Variants in LIMS2 observed in about 807,000 individuals in gnomAD.
The protein encoded by LIMS2 is LIM zinc finger domain containing 2, also known as LIM and senescent cell antigen-like-containing domain protein 2.
LIMS2 carries 30 observed loss-of-function variants against 45.3 expected under a neutral mutation model. That is an observed-to-expected ratio of 0.66 (90% CI 0.50 to 0.90). The LOEUF is 0.90. LIMS2 is among the 40% of genes least tolerant of loss of function. The pLI, the probability that LIMS2 is intolerant of heterozygous loss-of-function variation, is 0.00. For missense variants in LIMS2, 485 were observed against 468.7 expected (o/e 1.03, Z -0.32); for synonymous variants, 173 against 188.0 (o/e 0.92, Z 0.65).
In LIMS2 at chr2:127,642,378, C is replaced by T; in HGVS notation, c.510-179G>A. ...AGACTTCCTGTGCCCCAGACAGGCC[C>T]TGGAGCACAGACTTCCTGCACAGCC... On this transcript the variant is annotated intron_variant, in intron 5 of 9. Coordinates refer to ENST00000355119, the MANE Select transcript of LIMS2 (RefSeq NM_001161403.3). This position sits in a 1 kb window ranked among gnomAD's most constrained non-coding sequence, Gnocchi z 5.3. 1.5e-6 allele frequency: 1 copy of T among 651,918 alleles called. No homozygotes were observed. Among genetic ancestry groups the T allele is most frequent in the African/African-American group, 1.8e-5 (1 of 54,438 alleles). 40.4% of individuals were successfully genotyped at this position (651,918 alleles called of 1,614,324 possible).
rs1021503846 is a variant in LIMS2, at chr2:127,642,568, T to C, written c.509+355A>G. 21 of 359,876 alleles carry C rather than the reference T, an allele frequency of 5.8e-5. 1 individual carries two copies. Among genetic ancestry groups the C allele is most frequent in the Non-Finnish European group, 6.1e-5 (12 of 197,114 alleles). 22.3% of individuals were successfully genotyped at this position (359,876 alleles called of 1,614,324 possible). ...GGGGCTGAGGGGCTGCCTATGCAACTCCTCTCTCCAACACCAGCACCAAGC... is the reference window on the plus strand; with the variant it reads ...GGGGCTGAGGGGCTGCCTATGCAACCCCTCTCTCCAACACCAGCACCAAGC... On this transcript the variant is annotated intron_variant, in intron 5 of 9. Coordinates refer to ENST00000355119, the MANE Select transcript of LIMS2 (RefSeq NM_001161403.3). This position sits in a 1 kb window ranked among gnomAD's most constrained non-coding sequence, Gnocchi z 5.3.
In LIMS2 at chr2:127,653,712, G is replaced by A. The variant is rs1438450431; in HGVS notation, c.359+712C>T. Among the ~76,000 whole-genome samples the A allele has an allele frequency of 6.6e-6, 1 of 152,078 alleles. No individual in the cohort carries two copies. The highest frequency in any genetic ancestry group is 1.9e-4 in the East Asian group (1 of 5,176). On this transcript the variant is annotated intron_variant, in intron 4 of 9. Coordinates refer to ENST00000355119, the MANE Select transcript of LIMS2 (RefSeq NM_001161403.3). This position sits in a 1 kb window ranked among gnomAD's most constrained non-coding sequence, Gnocchi z 5.3. Reference sequence around the variant, plus strand: ...CAGCTGTGGTGAGGGCTGCTGAGGGGTCAAGAGGAGGTGTGGGTCCCTGGG... The same window carrying A: ...CAGCTGTGGTGAGGGCTGCTGAGGGATCAAGAGGAGGTGTGGGTCCCTGGG...
rs550583517 is a variant in LIMS2, at chr2:127,650,478, G to A, written c.359+3946C>T. 4 of 564,228 alleles carry A rather than the reference G, an allele frequency of 7.1e-6. No homozygotes were observed. The East Asian group carries it at 8.8e-5, about 12-fold the overall frequency. 35.0% of individuals were successfully genotyped at this position (564,228 alleles called of 1,614,324 possible). ...TCTCCTGGGTGGCAGGGGTGCAGCT[G>A]CATAGCGGCGAAATTCCAAGCCCTG... On this transcript the variant is annotated intron_variant, in intron 4 of 9. Coordinates refer to ENST00000355119, the MANE Select transcript of LIMS2 (RefSeq NM_001161403.3).
rs2105350560 is a variant in LIMS2, at chr2:127,675,284, TAGGTGGGGGTGGGGGTGGC to T, written c.-279_-261del. On this transcript the variant is annotated 5_prime_UTR_variant, in exon 1 of 10. Coordinates refer to ENST00000355119, the MANE Select transcript of LIMS2 (RefSeq NM_001161403.3). ...GTGACGGTGGGAGGTTGCGGGAGTA[TAGGTGGGGGTGGGGGTGGC>T]AGGTGGGGGTGGCGGCGGGTAGGGT... The T allele has an allele frequency of 1.9e-5, 1 of 53,884 alleles. No individual in the cohort carries two copies. The highest frequency in any genetic ancestry group is 6.9e-4 in the East Asian group (1 of 1,440). The allele number at this position is 53,884 out of a possible 1,614,324, so 3.3% of individuals were successfully genotyped here. A position where few individuals can be genotyped will look rare whatever the true frequency, so the allele number is the denominator to read the frequency against.
Position 127,645,290 on chromosome 2 carries a change from C to G in LIMS2, c.360-2218G>C, listed in dbSNP as rs182592431. Among the ~76,000 whole-genome samples, 246 of 152,332 alleles carry G rather than the reference C, an allele frequency of 1.6e-3. 3 individuals carry two copies. Among genetic ancestry groups the G allele is most frequent in the African/African-American group, 5.6e-3 (232 of 41,566 alleles). On this transcript the variant is annotated intron_variant, in intron 4 of 9. Coordinates refer to ENST00000355119, the MANE Select transcript of LIMS2 (RefSeq NM_001161403.3). ...CCCTTAAATGCTAGCCACATACATA[C>G]AGTTTTCAATGTTTAAACAACAAAA...
chr2:127,649,213 G>A (rs1386492213), intron 4 of LIMS2, among the ~76,000 whole-genome samples: 2 of 63,688 alleles, frequency 3.1e-5, no homozygotes, highest in Admixed American at 1.3e-4. Flanking sequence ...GGAAGGAAGG[G>A]CAGGGAGAAA....
In LIMS2 at chr2:127,674,990, G is replaced by T. The variant is rs557303046; in HGVS notation, c.11+24C>A. 17 of 1,228,804 alleles carry T rather than the reference G, an allele frequency of 1.4e-5. No individual in the cohort carries two copies. The South Asian group carries it at 7.0e-4, about 51-fold the overall frequency. The allele number at this position is 1,228,804 out of a possible 1,614,324, so 76.1% of individuals were successfully genotyped here. A position where few individuals can be genotyped will look rare whatever the true frequency, so the allele number is the denominator to read the frequency against. On this transcript the variant is annotated intron_variant, in intron 1 of 9. Coordinates refer to ENST00000355119, the MANE Select transcript of LIMS2 (RefSeq NM_001161403.3). The stretch of plus-strand genomic sequence containing the variant: ...TCCCGCAGTCCCGCCTCCCCGGCCC[G>T]GGGGCGTGGGTGGGGGCCGTTACCT...
In LIMS2 at chr2:127,647,987, T is replaced by C; in HGVS notation, c.360-4915A>G. 1 of 983,562 alleles carries C rather than the reference T, an allele frequency of 1.0e-6. No homozygotes were observed. Among genetic ancestry groups the C allele is most frequent in the Non-Finnish European group, 1.2e-6 (1 of 828,240 alleles). 60.9% of individuals were successfully genotyped at this position (983,562 alleles called of 1,614,324 possible). A position where few individuals can be genotyped will look rare whatever the true frequency, so the allele number is the denominator to read the frequency against. On this transcript the variant is annotated intron_variant, in intron 4 of 9. Coordinates refer to ENST00000355119, the MANE Select transcript of LIMS2 (RefSeq NM_001161403.3). This position sits in a 1 kb window ranked among gnomAD's most constrained non-coding sequence, Gnocchi z 4.3. Reference sequence around the variant, plus strand: ...CAGCCCCCTTCACAGCCCTCAGCCCTTCCCCAGGGCTTCAGCCAAGCCTGT... The same window carrying C: ...CAGCCCCCTTCACAGCCCTCAGCCCCTCCCCAGGGCTTCAGCCAAGCCTGT...
chr2:127,674,855 CCCGACGGGCGCTGCCG>C, intron 1 of LIMS2, 143 bp downstream of exon 1: 1 of 985,366 alleles, frequency 1.0e-6, no homozygotes, highest in Non-Finnish European at 1.2e-6. Context: ...GGACCCCTGC[CCCGACGGGCGCTGCCG>C]CCCCGGCAGC....
At chr2:127,680,034 G>A (rs1005589735), upstream of LIMS2, among the ~76,000 whole-genome samples, 4 of 152,240 alleles carry the variant, frequency 2.6e-5, no homozygotes, top group Non-Finnish European at 4.4e-5. Flanking sequence ...CCCTTTCAGG[G>A]CACTGGGAAC....
chr2:127,677,841 T>G (rs1685536647), upstream of LIMS2, among the ~76,000 whole-genome samples: 3 of 152,162 alleles, frequency 2.0e-5, no homozygotes, highest in Admixed American at 6.5e-5. This position sits in a 1 kb window ranked among gnomAD's most constrained non-coding sequence, Gnocchi z 5.0. Context: ...GAACGGTGGC[T>G]GCCTCAGGCT....
At chr2:127,678,547 G>A (rs547184097), upstream of LIMS2, among the ~76,000 whole-genome samples, 117 of 152,360 alleles carry the variant, frequency 7.7e-4, 1 homozygote, top group African/African-American at 2.6e-3. The surrounding 1 kb of genome is among the most constrained non-coding windows in gnomAD (Gnocchi z 5.3). Flanking sequence ...GCCTTGGGCC[G>A]TGCGACAGTA....
intron 6 of LIMS2, 85 bp from the exon 7 acceptor site, chr2:127,641,073 C>A (rs988368992): frequency 1.9e-6 from 2 of 1,080,462 alleles, no homozygotes; most frequent in Non-Finnish European, 2.8e-6. Context: ...ACAACAGTGA[C>A]CCCAGGAGCC....
rs1160211875 is a variant in LIMS2, at chr2:127,653,321, G to A, written c.359+1103C>T. Among the ~76,000 whole-genome samples the A allele has an allele frequency of 6.6e-6, 1 of 152,224 alleles. No homozygotes were observed. Among genetic ancestry groups the A allele is most frequent in the African/African-American group, 2.4e-5 (1 of 41,458 alleles). ...TCGGCGCTGCCTCTCACTGATACAG[G>A]GGACGCATGCAGAGGCAGCCTTGGT... is the stretch of plus-strand genomic sequence containing the variant. On this transcript the variant is annotated intron_variant, in intron 4 of 9. Coordinates refer to ENST00000355119, the MANE Select transcript of LIMS2 (RefSeq NM_001161403.3). This position sits in a 1 kb window ranked among gnomAD's most constrained non-coding sequence, Gnocchi z 5.3.
upstream of LIMS2, among the ~76,000 whole-genome samples, chr2:127,679,035 C>A (rs1459837124): frequency 6.6e-6 from 1 of 152,244 alleles, no homozygotes; most frequent in African/African-American, 2.4e-5. This position sits in a 1 kb window ranked among gnomAD's most constrained non-coding sequence, Gnocchi z 5.3. Flanking sequence ...GTGTGAGGTG[C>A]CACAGAAGCC....
intron 4 of LIMS2, chr2:127,650,048 C>T (rs746854330): frequency 5.0e-6 from 8 of 1,608,164 alleles, no homozygotes; most frequent in East Asian, 2.2e-5. Context: ...ATCCAGAAAG[C>T]CCCCAAGAGA....
rs1196572397 is a variant in LIMS2, at chr2:127,664,069, G to C, written c.12-6507C>G. On this transcript the variant is annotated intron_variant, in intron 1 of 9. Transcript: ENST00000355119. This position sits in a 1 kb window ranked among gnomAD's most constrained non-coding sequence, Gnocchi z 5.5. ...TGCTGGGGGCTACACAGGCTCCCTC[G>C]TCTCTAACATAGGTCCCTGGGCGCA... is the stretch of plus-strand genomic sequence containing the variant. Among the ~76,000 whole-genome samples the C allele has an allele frequency of 6.6e-6, 1 of 152,166 alleles. No homozygotes were observed. Among genetic ancestry groups the C allele is most frequent in the Non-Finnish European group, 1.5e-5 (1 of 68,008 alleles).
At chr2:127,649,165 T>TAGGAAGGAAGGGAGGAAAGAAGGA (rs1683402734) in intron 4 of LIMS2, among the ~76,000 whole-genome samples, 1 of 134,236 alleles carries the variant, frequency 7.4e-6, no homozygotes, top group South Asian at 2.5e-4. Context: ...GAGAGGAAGG[T>TAGGAAGGAAGGGAGGAAAGAAGGA]AGGAAGGAAG....
At chr2:127,677,627 G>A (rs1235088682), upstream of LIMS2, among the ~76,000 whole-genome samples, 1 of 152,186 alleles carries the variant, frequency 6.6e-6, no homozygotes, top group African/African-American at 2.4e-5. This position sits in a 1 kb window ranked among gnomAD's most constrained non-coding sequence, Gnocchi z 5.0. Context: ...GGGAAATAAA[G>A]GAGAGGGCCC....
Sources: allele counts gnomAD v4.1 joint callset (sites outside exome capture counted in the v4.1 genomes callset), GRCh38; gene constraint gnomAD v4.1.1; non-coding constraint Gnocchi (gnomAD v3.1); transcripts MANE v1.5; gene names NCBI Gene and HGNC (gene_info 2026-07-23, HGNC 2026-07-21).